The following LRRC74A variants were observed in gnomAD, a reference collection of about 807,000 sequenced individuals.
The protein encoded by LRRC74A is leucine rich repeat containing 74A.
In LRRC74A, 44 loss-of-function variants were observed where a neutral mutation model predicts 57.9. The observed-to-expected ratio is 0.76, with a 90% CI of 0.60 to 0.98. The LOEUF is 0.98. Ranked by LOEUF, LRRC74A falls within the 50% of genes least tolerant of loss-of-function variation. LRRC74A has a pLI of 0.00. For synonymous variants in LRRC74A, 211 were observed against 219.4 expected (o/e 0.96, Z 0.34); for missense variants, 572 against 574.0 (o/e 1.00, Z 0.04).
At chr14:76,845,932 C>T (rs1897093522) in intron 7 of LRRC74A, among the ~76,000 whole-genome samples, 1 of 152,182 alleles carries the variant, frequency 6.6e-6, no homozygotes. Flanking sequence ...GCAGGAGAAT[C>T]ACCTGAACCC....
In LRRC74A at chr14:76,869,635, G is replaced by A. The variant is rs921204965; in HGVS notation, c.1392-490G>A. On this transcript the variant is annotated intron_variant, in intron 13 of 13. Coordinates refer to ENST00000689127, the MANE Select transcript of LRRC74A (RefSeq NM_001385106.1). ...AAATTAGCCAGGTGTGGTGGCAGGC[G>A]CCTGTAATCCCAGCTACTTGGGAGG... Among the ~76,000 whole-genome samples the A allele has an allele frequency of 6.6e-5, 10 of 151,866 alleles. No homozygotes were observed. In the East Asian group the frequency reaches 7.7e-4, roughly 12 times the overall value.
Position 76,828,103 on chromosome 14 carries a change from T to C in LRRC74A, c.38-188T>C, listed in dbSNP as rs115850444. 7.9e-3 allele frequency among the ~76,000 whole-genome samples: 1,204 copies of C among 152,304 alleles called. 14 individuals are homozygous for C. The highest frequency in any genetic ancestry group is 0.027 in the African/African-American group (1,139 of 41,578). ...TGGTTTCACAAGCTCCCGTAGACCC[T>C]GCAGCCGGAGGCAGCGCTATTGGGG... On this transcript the variant is annotated intron_variant, in intron 1 of 13. Transcript: ENST00000689127.
At chr14:76,840,906 A>C (rs750463555) in intron 5 of LRRC74A, among the ~76,000 whole-genome samples, 1 of 151,844 alleles carries the variant, frequency 6.6e-6, no homozygotes, top group Non-Finnish European at 1.5e-5. Context: ...CTATGTCAAC[A>C]CTGCATTGTC....
intron 5 of LRRC74A, among the ~76,000 whole-genome samples, chr14:76,840,508 T>A (rs1171788286): frequency 6.6e-6 from 1 of 152,152 alleles, no homozygotes; most frequent in Non-Finnish European, 1.5e-5. Context: ...ATCTTTATCA[T>A]GTATTAAACT....
At chr14:76,849,816 C>A (rs1447671382) in intron 7 of LRRC74A, among the ~76,000 whole-genome samples, 1 of 123,156 alleles carries the variant, frequency 8.1e-6, no homozygotes, top group Non-Finnish European at 1.8e-5. Flanking sequence ...AAAAAAAAAA[C>A]CCAAAAAACA....
At chr14:76,863,888 G>A (rs899770404) in intron 11 of LRRC74A, among the ~76,000 whole-genome samples, 1 of 152,212 alleles carries the variant, frequency 6.6e-6, no homozygotes, top group Non-Finnish European at 1.5e-5. Flanking sequence ...GGAATGCCCC[G>A]CTCAGTCATG....
intron 9 of LRRC74A, among the ~76,000 whole-genome samples, chr14:76,856,967 TTGGATGGA>T (rs150995860): frequency 0.02 from 2,536 of 123,990 alleles, 71 homozygotes; most frequent in African/African-American, 0.07. Context: ...AAGTTGGTGG[TTGGATGGA>T]TGGATGGATG....
intron 5 of LRRC74A, among the ~76,000 whole-genome samples, chr14:76,839,937 G>T (rs1296026294): frequency 6.6e-6 from 1 of 151,770 alleles, no homozygotes; most frequent in Non-Finnish European, 1.5e-5. Flanking sequence ...CACCATGTTG[G>T]CCAGGATGGT....
At chr14:76,828,707 A>C (rs1231532752) in intron 2 of LRRC74A, 1 of 517,324 alleles carries the variant, frequency 1.9e-6, no homozygotes, top group East Asian at 4.9e-5. Context: ...TAATCTTCTA[A>C]ATGTTTCCAC....
chr14:76,837,426 C>T (rs1896434225), intron 4 of LRRC74A, among the ~76,000 whole-genome samples: 1 of 152,152 alleles, frequency 6.6e-6, no homozygotes, highest in African/African-American at 2.4e-5. Flanking sequence ...AAGTCTCTCC[C>T]ACTAGCTTAA....
chr14:76,831,776 C>T (rs1386443115), intron 3 of LRRC74A, among the ~76,000 whole-genome samples: 1 of 152,124 alleles, frequency 6.6e-6, no homozygotes, highest in East Asian at 1.9e-4. Flanking sequence ...TTACTACTGA[C>T]CCATTCCATT....
At chr14:76,831,060 G>T (rs1895936370) in intron 2 of LRRC74A, 143 bp from the exon 3 acceptor site, 1 of 753,472 alleles carries the variant, frequency 1.3e-6, no homozygotes, top group African/African-American at 1.8e-5. Flanking sequence ...TTCCCAGACA[G>T]GAGCAGGCTT....
At position 76,843,894 on chromosome 14, in the gene LRRC74A, T is replaced by C. The variant is rs1383468843; in HGVS notation, c.545-529T>C. 2.0e-5 allele frequency among the ~76,000 whole-genome samples: 3 copies of C among 151,578 alleles called. No individual in the cohort carries two copies. The East Asian group carries it at 5.8e-4, about 30-fold the overall frequency. ...TTTTGTATTCTTAGTAGAGACAGGGTTTTGCCATATTGGCCAGACTGGTCT... is the reference window on the plus strand; with the variant it reads ...TTTTGTATTCTTAGTAGAGACAGGGCTTTGCCATATTGGCCAGACTGGTCT... On this transcript the variant is annotated intron_variant, in intron 5 of 13. Transcript: ENST00000689127.
At chr14:76,828,039 G>C (rs1463321920) in intron 1 of LRRC74A, among the ~76,000 whole-genome samples, 1 of 152,238 alleles carries the variant, frequency 6.6e-6, no homozygotes. Context: ...GACAGGGAAG[G>C]GGGAAGGAGC....
chr14:76,852,357 T>C lies in LRRC74A; in HGVS notation c.677-8T>C, dbSNP rs765543131. Reference sequence around the variant, plus strand: ...GGAGATGCTAAGCCGATTCCCTCCCTGTTTCAGCCATCAACGTGGGGCTCA... The same window carrying C: ...GGAGATGCTAAGCCGATTCCCTCCCCGTTTCAGCCATCAACGTGGGGCTCA... On this transcript the variant is annotated splice_polypyrimidine_tract_variant and splice_region_variant and intron_variant, in intron 7 of 13. Transcript: ENST00000689127. The C allele has an allele frequency of 6.2e-7, 1 of 1,602,052 alleles. No individual in the cohort carries two copies. Among genetic ancestry groups the C allele is most frequent in the East Asian group, 2.2e-5 (1 of 44,744 alleles).
rs772548127 is a variant in LRRC74A at position 76,826,770 on chromosome 14, G to A, written c.37+36G>A. ...ATCCCATCTCTCACCACTCAGGCCC[G>A]TCCCTGCTGCCTCAGTACAACACCT... On this transcript the variant is annotated intron_variant, in intron 1 of 13. Coordinates refer to ENST00000689127, the MANE Select transcript of LRRC74A (RefSeq NM_001385106.1). The A allele has an allele frequency of 4.7e-5, 66 of 1,392,048 alleles. No individual in the cohort carries two copies. In the African/African-American group the frequency reaches 4.9e-4, roughly 10 times the overall value. 86.2% of individuals were successfully genotyped at this position (1,392,048 alleles called of 1,614,324 possible). A position where few individuals can be genotyped will look rare whatever the true frequency, so the allele number is the denominator to read the frequency against.
At position 76,870,140 on chromosome 14, in the gene LRRC74A, GA is replaced by G; in HGVS notation, c.1409del (p.Lys470SerfsTer?). The G allele has an allele frequency of 6.2e-7, 1 of 1,611,580 alleles. No individual in the cohort carries two copies. The highest frequency in any genetic ancestry group is 8.5e-7 in the Non-Finnish European group (1 of 1,178,904). On this transcript the variant is annotated frameshift_variant, in exon 14 of 14. Coordinates refer to ENST00000689127, the MANE Select transcript of LRRC74A (RefSeq NM_001385106.1). LOFTEE classifies it high-confidence loss of function. ...TTCGTACCAGTTTCTTGAACACGAT[GA>G]AGCCATAGCAACAAGTCTGGTCTAG... is the stretch of plus-strand genomic sequence containing the variant. ...MVNFSFLNTM[K>X]P
chr14:76,867,834 T>C (rs1218762347), intron 13 of LRRC74A, among the ~76,000 whole-genome samples: 5 of 152,072 alleles, frequency 3.3e-5, no homozygotes. Flanking sequence ...GAGGCGGCAA[T>C]GTTTCAGCCG....
intron 10 of LRRC74A, among the ~76,000 whole-genome samples, chr14:76,858,429 T>C (rs1898057127): frequency 6.6e-6 from 1 of 152,196 alleles, no homozygotes; most frequent in South Asian, 2.1e-4. Context: ...ACAGTCTTAT[T>C]AGATTAGTAC....
Sources: gnomAD v4.1 joint callset for allele counts (sites outside exome capture counted in the v4.1 genomes callset) on GRCh38, gnomAD v4.1.1 for gene constraint, MANE v1.5 for transcripts, NCBI Gene and HGNC (gene_info 2026-07-23, HGNC 2026-07-21) for gene names.